The following ADGRV1 variants were observed in gnomAD, a reference collection of about 807,000 sequenced individuals.
ADGRV1 encodes G-protein coupled receptor 98.
ADGRV1 carries 359 observed loss-of-function variants against 596.2 expected under a neutral mutation model. That is an observed-to-expected ratio of 0.60 (90% confidence interval 0.55 to 0.66). The LOEUF (loss-of-function observed/expected upper bound fraction) is 0.66, where lower values mean the gene tolerates loss of function less well. Ranked by LOEUF, ADGRV1 falls within the 30% of genes least tolerant of loss-of-function variation. The pLI is 0.00. For synonymous variants in ADGRV1, 2,681 were observed against 2,679.2 expected, an observed-to-expected ratio of 1.00 and a Z score of -0.02; for missense variants, 7,274 against 7,575.6, an observed-to-expected ratio of 0.96 and a Z score of 1.48.
At chr5:91,128,165 G>A (rs1475071061) in intron 87 of ADGRV1, among the ~76,000 whole-genome samples, 1 of 151,194 alleles carries the variant, frequency 6.6e-6, no homozygotes, top group Non-Finnish European at 1.5e-5. Context: ...ATCTTTCAAG[G>A]GAGCTTCTCT....
In ADGRV1 at chr5:90,658,144, T is replaced by C; in HGVS notation, c.4618T>C (p.Leu1540=). ...RDDNDEEGEE[L]FILKLVSVYG... is the part of the protein sequence containing the mutation. ...TGACAATGACGAGGAAGGAGAAGAA[T>C]TATTCATTCTTAAACTAGTTTCTGT... The change falls in exon 21 of 90, where the codon TTA becomes CTA. Residue 1540 remains leucine, a synonymous_variant. Transcript: ENST00000405460. 1 of 1,613,386 alleles carries C rather than the reference T, an allele frequency of 6.2e-7. No homozygotes were observed. Among genetic ancestry groups the C allele is most frequent in the East Asian group, 2.2e-5 (1 of 44,856 alleles).
chr5:90,802,029 G>A (rs1375824776), intron 70 of ADGRV1, among the ~76,000 whole-genome samples: 1 of 152,190 alleles, frequency 6.6e-6, no homozygotes, highest in Non-Finnish European at 1.5e-5. Context: ...ATTATTCAAT[G>A]AGGAGGAGGA....
rs181351687 is a variant in ADGRV1 at position 90,651,307 on chromosome 5, G to A, written c.3290-297G>A. On this transcript the variant is annotated intron_variant, in intron 17 of 89. Transcript: ENST00000405460. ...GTATATTCCTTTTGTGAAGAAAAGT[G>A]TGTTTTTCAATAAAATAGTTCATTT... is the stretch of plus-strand genomic sequence containing the variant. Among the ~76,000 whole-genome samples the A allele has an allele frequency of 9.9e-5, 15 of 152,226 alleles. 1 individual carries two copies. The East Asian group carries it at 1.3e-3, about 14-fold the overall frequency.
At chr5:90,652,674 T>C (rs1049298652) in intron 19 of ADGRV1, 111 bp downstream of exon 19, 2 of 650,606 alleles carry the variant, frequency 3.1e-6, no homozygotes, top group African/African-American at 3.7e-5. Context: ...GGTGAAGTAT[T>C]TGTGTCATGA....
chr5:90,770,766 T>G (rs754041851), intron 59 of ADGRV1, among the ~76,000 whole-genome samples: 22 of 152,108 alleles, frequency 1.4e-4, no homozygotes, highest in Admixed American at 2.6e-4. Context: ...ATGAGTAAAA[T>G]TCCCCTGACT....
At chr5:91,090,820 G>A (rs768128631) in intron 86 of ADGRV1, among the ~76,000 whole-genome samples, 30 of 151,924 alleles carry the variant, frequency 2.0e-4, no homozygotes, top group Admixed American at 3.9e-4. Context: ...TAAAAATTGT[G>A]GGTCACACAG....
intron 53 of ADGRV1, among the ~76,000 whole-genome samples, chr5:90,752,769 C>A (rs541778181): frequency 6.6e-6 from 1 of 152,286 alleles, no homozygotes; most frequent in Admixed American, 6.5e-5. Context: ...TTGCAACACT[C>A]TTCGCAATAG....
At chr5:90,569,768 C>T (rs996725311) in intron 1 of ADGRV1, among the ~76,000 whole-genome samples, 1 of 151,598 alleles carries the variant, frequency 6.6e-6, no homozygotes, top group Non-Finnish European at 1.5e-5. Context: ...CATTTAATAT[C>T]CTAACCTATA....
intron 70 of ADGRV1, among the ~76,000 whole-genome samples, chr5:90,801,910 T>C (rs542315751): frequency 5.9e-5 from 9 of 152,318 alleles, no homozygotes; most frequent in African/African-American, 2.2e-4. Flanking sequence ...ATTTTGAAAA[T>C]ATGTAACACA....
rs926077218 is a variant in ADGRV1, at chr5:90,868,143, G to A, written c.17856+4286G>A. On this transcript the variant is annotated intron_variant, in intron 83 of 89. Transcript: ENST00000405460. ...TTTCCGGATCCTACTTGTTAAGTAA[G>A]GTATTAGATTAGCTATATTATGACC... Among the ~76,000 whole-genome samples, 22 of 152,004 alleles carry A rather than the reference G, an allele frequency of 1.4e-4. 1 individual carries two copies. The highest frequency in any genetic ancestry group is 6.6e-5 in the Admixed American group (1 of 15,258).
chr5:91,115,467 C>T (rs1016009522), intron 87 of ADGRV1, among the ~76,000 whole-genome samples: 4 of 152,170 alleles, frequency 2.6e-5, no homozygotes, highest in Non-Finnish European at 5.9e-5. Flanking sequence ...CCTGTGCATG[C>T]AACATCTTAT....
chr5:91,069,012 T>C (rs1048884355), intron 85 of ADGRV1, among the ~76,000 whole-genome samples: 5 of 152,080 alleles, frequency 3.3e-5, no homozygotes, highest in African/African-American at 1.2e-4. Context: ...TCTGATCTTC[T>C]GCAAAGCTGA....
chr5:90,690,106 A>G (rs559737316), intron 30 of ADGRV1, 30 bp downstream of exon 30: 3 of 1,212,098 alleles, frequency 2.5e-6, no homozygotes, highest in Admixed American at 4.0e-5. Flanking sequence ...TCTCTCTTTG[A>G]CTTGTCTGCA....
At chr5:90,902,953 G>A (rs1462845694) in intron 83 of ADGRV1, among the ~76,000 whole-genome samples, 1 of 152,068 alleles carries the variant, frequency 6.6e-6, no homozygotes, top group Non-Finnish European at 1.5e-5. Flanking sequence ...TATTTCGAAA[G>A]GGATGGAAAA....
intron 1 of ADGRV1, among the ~76,000 whole-genome samples, chr5:90,576,891 CTGTT>C (rs1757299260): frequency 6.6e-6 from 1 of 152,120 alleles, no homozygotes; most frequent in African/African-American, 2.4e-5. Flanking sequence ...TTTCATGTGT[CTGTT>C]GGCTGCATCA....
intron 59 of ADGRV1, among the ~76,000 whole-genome samples, chr5:90,767,407 A>T (rs1010318369): frequency 3.3e-5 from 5 of 152,228 alleles, no homozygotes; most frequent in South Asian, 2.1e-4. Context: ...TTCATAAATT[A>T]AAAAACTTAG....
chr5:90,942,634 G>T (rs1776254194), intron 83 of ADGRV1, among the ~76,000 whole-genome samples: 1 of 152,074 alleles, frequency 6.6e-6, no homozygotes, highest in African/African-American at 2.4e-5. Context: ...TGGCAAAAGG[G>T]GTGGTAACAG....
chr5:90,894,329 C>T (rs1236836599), intron 83 of ADGRV1, among the ~76,000 whole-genome samples: 2 of 152,146 alleles, frequency 1.3e-5, no homozygotes, highest in African/African-American at 2.4e-5. Context: ...ATCCCACTGC[C>T]TCATTCTCTG....
intron 52 of ADGRV1, among the ~76,000 whole-genome samples, chr5:90,750,190 C>T (rs532748044): frequency 7.2e-5 from 11 of 152,242 alleles, no homozygotes; most frequent in South Asian, 2.1e-4. Context: ...ACTCTATATC[C>T]GTTCTCTTCT....
Sources: gnomAD v4.1 joint callset for allele counts (sites outside exome capture counted in the v4.1 genomes callset) on GRCh38, gnomAD v4.1.1 for gene constraint, MANE v1.5 for transcripts, NCBI Gene and HGNC (gene_info 2026-07-23, HGNC 2026-07-21) for gene names.